Variants in PRKG1 observed in about 807,000 individuals in gnomAD.
PRKG1 encodes protein kinase cGMP-dependent 1, also known as cGMP-dependent protein kinase 1.
In PRKG1, 35 loss-of-function variants were observed where a neutral mutation model predicts 88.1. The ratio of observed to expected loss-of-function variants is 0.40; its 90% CI spans 0.30 to 0.53. The LOEUF (loss-of-function observed/expected upper bound fraction) is 0.53, where lower values mean the gene tolerates loss of function less well. PRKG1 is among the 20% of genes least tolerant of loss of function. The pLI, the probability that PRKG1 is intolerant of heterozygous loss-of-function variation, is 0.59. For synonymous variants in PRKG1, 303 were observed against 292.5 expected, an observed-to-expected ratio of 1.04 and a Z score of -0.37; for missense variants, 540 against 839.8, an observed-to-expected ratio of 0.64 and a Z score of 4.41.
chr10:51,257,355 G>C (rs1002660314), intron 2 of PRKG1, among the ~76,000 whole-genome samples: 4 of 151,982 alleles, frequency 2.6e-5, no homozygotes, highest in Non-Finnish European at 5.9e-5. Flanking sequence ...ATCATGTGTG[G>C]GTCAGAGATT....
chr10:51,922,198 A>T (rs1842477138), intron 5 of PRKG1, among the ~76,000 whole-genome samples: 1 of 150,948 alleles, frequency 6.6e-6, no homozygotes, highest in Non-Finnish European at 1.5e-5. Context: ...GTTGTTTATA[A>T]TTTTTTTTTA....
At chr10:51,723,193 G>A (rs778961626) in intron 3 of PRKG1, among the ~76,000 whole-genome samples, 5 of 152,112 alleles carry the variant, frequency 3.3e-5, no homozygotes, top group Non-Finnish European at 5.9e-5. Context: ...TTGCAGCACT[G>A]TTCACAATAA....
chr10:52,008,060 A>G (rs1903986), intron 5 of PRKG1, among the ~76,000 whole-genome samples: 38,526 of 152,062 alleles, frequency 0.25, 5,254 homozygotes, highest in Admixed American at 0.32. Flanking sequence ...GCAGAAATCA[A>G]GAAAATCTTT....
Position 51,544,174 on chromosome 10 carries a change from G to C in PRKG1, c.592+76338G>C, listed in dbSNP as rs552740785. On this transcript the variant is annotated intron_variant, in intron 3 of 17. Transcript: ENST00000373980. ...ATCCATTAACCTGACATTTACATTAGGTTTTTCTCCTAATGCTATCCCTCC... is the reference window on the plus strand; with the variant it reads ...ATCCATTAACCTGACATTTACATTACGTTTTTCTCCTAATGCTATCCCTCC... Among the ~76,000 whole-genome samples the C allele has an allele frequency of 1.6e-4, 24 of 150,780 alleles. No individual in the cohort carries two copies. In the South Asian group the frequency reaches 5.1e-3, roughly 32 times the overall value.
At chr10:51,828,338 A>G (rs1274190555) in intron 4 of PRKG1, among the ~76,000 whole-genome samples, 1 of 152,150 alleles carries the variant, frequency 6.6e-6, no homozygotes, top group Admixed American at 6.6e-5. Context: ...ATTTTAACAT[A>G]TTGATAAGGG....
chr10:51,173,168 C>CTT (rs1837090288), intron 2 of PRKG1, among the ~76,000 whole-genome samples: 1 of 151,944 alleles, frequency 6.6e-6, no homozygotes, highest in Non-Finnish European at 1.5e-5. Context: ...AACAATACAG[C>CTT]TTTTGAAAAC....
intron 7 of PRKG1, among the ~76,000 whole-genome samples, chr10:52,077,149 A>G (rs918474922): frequency 7.2e-5 from 11 of 152,318 alleles, no homozygotes; most frequent in African/African-American, 2.4e-4. Flanking sequence ...CAAATTTGAA[A>G]CAACAGAAAT....
chr10:51,198,089 C>T (rs1219284337), intron 2 of PRKG1, among the ~76,000 whole-genome samples: 1 of 151,892 alleles, frequency 6.6e-6, no homozygotes, highest in Non-Finnish European at 1.5e-5. Flanking sequence ...ACATATGATT[C>T]CCTGGTCATC....
At chr10:51,680,110 A>G (rs1456643636) in intron 3 of PRKG1, among the ~76,000 whole-genome samples, 4 of 152,106 alleles carry the variant, frequency 2.6e-5, no homozygotes, top group African/African-American at 7.2e-5. Flanking sequence ...TATGGTGTCA[A>G]TCTGCTCTAG....
chr10:52,061,574 T>TAAG (rs1348033273), intron 6 of PRKG1, among the ~76,000 whole-genome samples: 1 of 152,118 alleles, frequency 6.6e-6, no homozygotes, highest in African/African-American at 2.4e-5. Context: ...TGCCTTCTGT[T>TAAG]AAGTCACAAG....
intron 1 of PRKG1, among the ~76,000 whole-genome samples, chr10:50,999,083 A>G (rs1797329178): frequency 6.6e-6 from 1 of 152,246 alleles, no homozygotes; most frequent in South Asian, 2.1e-4. Flanking sequence ...AAAATTATGT[A>G]GTTTTAAATT....
At chr10:51,345,599 C>T (rs1000256049) in intron 2 of PRKG1, among the ~76,000 whole-genome samples, 6 of 151,822 alleles carry the variant, frequency 4.0e-5, no homozygotes, top group Non-Finnish European at 7.4e-5. Context: ...TCTAAAATGC[C>T]AAATTTAAAA....
intron 7 of PRKG1, among the ~76,000 whole-genome samples, chr10:52,104,276 C>T (rs1296372899): frequency 6.6e-6 from 1 of 151,784 alleles, no homozygotes; most frequent in Admixed American, 6.6e-5. Flanking sequence ...ATTTAACTTA[C>T]TGCATTCTTT....
At chr10:52,293,668 T>C (rs915876091) in intron 17 of PRKG1, 134 bp from the exon 18 acceptor site, 1 of 680,442 alleles carries the variant, frequency 1.5e-6, no homozygotes, top group African/African-American at 1.8e-5. Flanking sequence ...ACTGTGACCC[T>C]CAATACCTGC....
intron 2 of PRKG1, among the ~76,000 whole-genome samples, chr10:51,420,349 A>G (rs1373099717): frequency 6.6e-6 from 1 of 152,212 alleles, no homozygotes; most frequent in Admixed American, 6.5e-5. Flanking sequence ...TTGGTTCAGT[A>G]GAATCATGTA....
At chr10:52,231,335 A>C (rs1840516632) in intron 9 of PRKG1, 1 of 152,172 alleles carries the variant, frequency 6.6e-6, no homozygotes, top group Non-Finnish European at 1.5e-5. Context: ...CAGGAGATCA[A>C]GGCTGCAGTG....
intron 9 of PRKG1, among the ~76,000 whole-genome samples, chr10:52,163,289 TTATA>T (rs1589662802): frequency 1.3e-5 from 2 of 148,794 alleles, no homozygotes; most frequent in South Asian, 4.2e-4. Context: ...TATATACATC[TTATA>T]TATAATTTAC....
chr10:52,037,459 G>A (rs1314641531), intron 5 of PRKG1, among the ~76,000 whole-genome samples: 1 of 152,208 alleles, frequency 6.6e-6, no homozygotes, highest in Non-Finnish European at 1.5e-5. Context: ...AGCAGATTGG[G>A]TAATAAAATG....
At chr10:51,918,029 T>C (rs1350005403) in intron 5 of PRKG1, among the ~76,000 whole-genome samples, 1 of 152,210 alleles carries the variant, frequency 6.6e-6, no homozygotes, top group Non-Finnish European at 1.5e-5. Context: ...CTTCCACTTA[T>C]TGATGCAAAC....
Sources: allele counts gnomAD v4.1 joint callset (sites outside exome capture counted in the v4.1 genomes callset), GRCh38; gene constraint gnomAD v4.1.1; transcripts MANE v1.5; gene names NCBI Gene and HGNC (gene_info 2026-07-23, HGNC 2026-07-21).